Variants in PMEL observed in about 807,000 individuals in gnomAD.
PMEL encodes the protein premelanosome protein.
Under a neutral mutation model 64.9 loss-of-function variants are expected in PMEL, and 53 were observed. That is an observed-to-expected ratio of 0.82 (90% CI 0.66 to 1.03). The LOEUF is 1.03. Among genes scored for constraint, PMEL ranks in the 50% least tolerant of loss-of-function variants. The pLI is 0.00. For synonymous variants in PMEL, 299 were observed against 316.2 expected (o/e 0.95, Z 0.58); for missense variants, 716 against 814.9 (o/e 0.88, Z 1.48).
In PMEL at chr12:55,958,715, C is replaced by G. The variant is rs1268075893; in HGVS notation, c.335-108G>C. 4.4e-6 allele frequency: 5 copies of G among 1,138,712 alleles called. No homozygotes were observed. The African/African-American group carries it at 7.7e-5, about 18-fold the overall frequency. The allele number at this position is 1,138,712 out of a possible 1,614,324, so 70.5% of individuals were successfully genotyped here. On this transcript the variant is annotated intron_variant, in intron 3 of 10. Transcript: ENST00000548747. ...CAGAGAGGGGCTCTGGGAATATTCC[C>G]TAGCTAGAAAGTACATTCTCCATGA...
intron 6 of PMEL, 155 bp from the exon 7 acceptor site, chr12:55,956,374 G>C: frequency 1.7e-6 from 1 of 586,218 alleles, no homozygotes; most frequent in Non-Finnish European, 3.1e-6. Context: ...TTATTCTATA[G>C]ATAAGGAAAC....
At chr12:55,956,699 C>T (rs866684599) in intron 6 of PMEL, among the ~76,000 whole-genome samples, 2 of 152,282 alleles carry the variant, frequency 1.3e-5, no homozygotes, top group Middle Eastern at 3.4e-3. Flanking sequence ...TCTCGCCAAC[C>T]GTTCTCAGCA....
At position 55,955,459 on chromosome 12, in the gene PMEL, C is replaced by A. The variant is rs1439350264; in HGVS notation, c.1762+5G>T. The A allele has an allele frequency of 4.3e-6, 7 of 1,613,848 alleles. No individual in the cohort carries two copies. Among genetic ancestry groups the A allele is most frequent in the Non-Finnish European group, 5.9e-6 (7 of 1,179,886 alleles). ...CCTCATCTTAGCTCTTGTCCAAGGA[C>A]CTACCAGGCATGATAAGCTGGGTGC... On this transcript the variant is annotated splice_donor_5th_base_variant and intron_variant, in intron 9 of 10. Transcript: ENST00000548747.
chr12:55,954,276 G>A lies in PMEL; in HGVS notation c.1924C>T (p.Arg642Cys), dbSNP rs766901033. Residue 642 changes from arginine to cysteine, a missense_variant, in exon 11 of 11, where the codon CGC becomes TGC. Arg to Cys is a radical substitution (Grantham distance 180). Transcript: ENST00000548747. ...CCAATGGGACAAGAGCAGAAGATGC[G>A]GGGTAGACGCAGCCAGTGACTGCTG... Reference protein sequence around the residue: ...HSSSHWLRLPRIFCSCPIGEN... With the variant: ...HSSSHWLRLPCIFCSCPIGEN... 34 of 1,613,808 alleles carry A rather than the reference G, an allele frequency of 2.1e-5. No homozygotes were observed. The highest frequency in any genetic ancestry group is 1.6e-4 in the Middle Eastern group (1 of 6,084).
chr12:55,963,487 G>A (rs144709781), intron 1 of PMEL, among the ~76,000 whole-genome samples: 1 of 151,170 alleles, frequency 6.6e-6, no homozygotes, highest in East Asian at 1.9e-4. Flanking sequence ...AATTTAAAAT[G>A]TATGAGTATT....
At chr12:55,963,898 T>C (rs1018353059) in intron 1 of PMEL, among the ~76,000 whole-genome samples, 4 of 149,806 alleles carry the variant, frequency 2.7e-5, no homozygotes, top group Non-Finnish European at 5.9e-5. Context: ...CCCTCTCCTC[T>C]CCTTTCTGTA....
chr12:55,964,118 G>T (rs1208931086), intron 1 of PMEL, among the ~76,000 whole-genome samples: 1 of 151,378 alleles, frequency 6.6e-6, no homozygotes, highest in Admixed American at 6.6e-5. Context: ...AAGTGGCTAG[G>T]ACCACAGGTG....
chr12:55,957,971 G>A lies in PMEL; in HGVS notation c.583C>T (p.Arg195Trp), dbSNP rs779118344. Residue 195 changes from arginine to tryptophan, a missense_variant, in exon 5 of 11, where the codon CGG becomes TGG. Arg to Trp is a moderately radical substitution (Grantham distance 101). Transcript: ENST00000548747. ...GAATGAGCAAGAGGCACATAGCTCC[G>A]GGATCCCCGGCGATGGTAGACAGTC... is the stretch of plus-strand genomic sequence containing the variant. ...EVTVYHRRGS[R>W]SYVPLAHSSS... 8.7e-6 allele frequency: 14 copies of A among 1,614,062 alleles called. No individual in the cohort carries two copies. Among genetic ancestry groups the A allele is most frequent in the South Asian group, 6.6e-5 (6 of 91,088 alleles).
intron 1 of PMEL, among the ~76,000 whole-genome samples, chr12:55,962,227 T>C (rs1592773809): frequency 6.6e-6 from 1 of 151,554 alleles, no homozygotes; most frequent in African/African-American, 2.4e-5. Flanking sequence ...GGGTGGATCA[T>C]GAGGTCAAGA....
At position 55,957,951 on chromosome 12, in the gene PMEL, A is replaced by G; in HGVS notation, c.603T>C (p.Ala201=). Residue 201 remains alanine, a synonymous_variant, in exon 5 of 11, where the codon GCT becomes GCC. Transcript: ENST00000548747. ...RRGSRSYVPL[A]HSSSAFTITD... ...TAATGGTGAAGGCTGAGCTGGAATG[A>G]GCAAGAGGCACATAGCTCCGGGATC... 6.2e-7 allele frequency: 1 copy of G among 1,614,198 alleles called. No homozygotes were observed. Among genetic ancestry groups the G allele is most frequent in the Middle Eastern group, 1.6e-4 (1 of 6,062 alleles).
intron 3 of PMEL, among the ~76,000 whole-genome samples, chr12:55,959,507 AATAAC>A (rs1182534321): frequency 6.6e-6 from 1 of 152,100 alleles, no homozygotes; most frequent in East Asian, 1.9e-4. Context: ...GTGGAATAAA[AATAAC>A]AGCACTAGGG....
At position 55,955,822 on chromosome 12, in the gene PMEL, C is replaced by G; in HGVS notation, c.1513G>C (p.Gly505Arg). ...SAEILQAVPS[G>R]EGDAFELTVS... Reference sequence around the variant, plus strand: ...GTCAGCTCAAATGCATCCCCCTCACCGGACGGCACAGCCTGCAGGATCTCG... The same window carrying G: ...GTCAGCTCAAATGCATCCCCCTCACGGGACGGCACAGCCTGCAGGATCTCG... The change falls in exon 8 of 11, where the codon GGT (glycine) becomes CGT (arginine). Residue 505 changes from glycine (G) to arginine (R), a missense_variant. Transcript: ENST00000548747. 1 of 1,614,058 alleles carries G rather than the reference C, an allele frequency of 6.2e-7. No homozygotes were observed. Among genetic ancestry groups the G allele is most frequent in the African/African-American group, 1.3e-5 (1 of 74,992 alleles).
chr12:55,966,638 C>G, upstream of PMEL: 1 of 1,049,554 alleles, frequency 9.5e-7, no homozygotes, highest in South Asian at 3.3e-5. Context: ...GCCGCCCCAC[C>G]GGGGAAGAAA....
intron 1 of PMEL, among the ~76,000 whole-genome samples, chr12:55,964,926 T>C (rs1889234684): frequency 7.2e-6 from 1 of 139,646 alleles, no homozygotes; most frequent in Admixed American, 7.1e-5. Flanking sequence ...CTCATCCCCT[T>C]TCTTTTTTTT....
intron 7 of PMEL, 91 bp downstream of exon 7, chr12:55,956,012 G>A (rs1888872235): frequency 3.6e-6 from 4 of 1,099,614 alleles, no homozygotes; most frequent in Middle Eastern, 2.0e-4. Context: ...TCCTATCTAG[G>A]TGAGTAATTC....
At chr12:55,960,970 G>A (rs1443580435) in intron 3 of PMEL, among the ~76,000 whole-genome samples, 1 of 150,850 alleles carries the variant, frequency 6.6e-6, no homozygotes, top group Admixed American at 6.6e-5. Flanking sequence ...TTGGGAGGCC[G>A]AGGCGGGCGG....
At chr12:55,962,470 A>C (rs1206798951) in intron 1 of PMEL, among the ~76,000 whole-genome samples, 25 of 142,376 alleles carry the variant, frequency 1.8e-4, no homozygotes, top group Admixed American at 3.5e-4. Flanking sequence ...AAAAAAAAAA[A>C]ACACAAAAAA....
rs778100560 is a variant in PMEL at position 55,961,743 on chromosome 12, T to C, written c.77-11A>G. On this transcript the variant is annotated splice_polypyrimidine_tract_variant and intron_variant, in intron 1 of 10. Transcript: ENST00000548747. Reference sequence around the variant, plus strand: ...CCTGGTTTCTGGGTACTAAAAGGAATGTGCCATGAAGGGCCCTAGGATCCT... The same window carrying C: ...CCTGGTTTCTGGGTACTAAAAGGAACGTGCCATGAAGGGCCCTAGGATCCT... 6.3e-7 allele frequency: 1 copy of C among 1,592,602 alleles called. No homozygotes were observed. Among genetic ancestry groups the C allele is most frequent in the Non-Finnish European group, 8.6e-7 (1 of 1,160,340 alleles).
chr12:55,957,380 C>T lies in PMEL; in HGVS notation c.923G>A (p.Gly308Asp). Reference protein sequence around the residue: ...LTSCGSSPVPGTTDGHRPTAE... With the variant: ...LTSCGSSPVPDTTDGHRPTAE... ...AGTTGGCCTGTGCCCATCTGTGGTG[C>T]CTGGAACTGGGGAGGAGCCACAGGA... is the stretch of plus-strand genomic sequence containing the variant. The change falls in exon 6 of 11, where the codon GGC becomes GAC. Residue 308 changes from glycine (G) to aspartate (D), a missense_variant. By Grantham distance (94) the Gly-to-Asp change is moderately conservative (BLOSUM62 -1). Transcript: ENST00000548747. The T allele has an allele frequency of 6.3e-7, 1 of 1,597,620 alleles. No individual in the cohort carries two copies. The highest frequency in any genetic ancestry group is 8.5e-7 in the Non-Finnish European group (1 of 1,170,742).
Sources: gnomAD v4.1 joint callset for allele counts (sites outside exome capture counted in the v4.1 genomes callset) on GRCh38, gnomAD v4.1.1 for gene constraint, MANE v1.5 for transcripts, NCBI Gene and HGNC (gene_info 2026-07-23, HGNC 2026-07-21) for gene names.